NRP2: variants seen among roughly 807,000 people sequenced by gnomAD.
The protein encoded by NRP2 is neuropilin 2.
In NRP2, 52 loss-of-function variants were observed where a neutral mutation model predicts 110.4. That is an observed-to-expected ratio of 0.47 (90% CI 0.38 to 0.59). The LOEUF (loss-of-function observed/expected upper bound fraction) is 0.59. Among genes scored for constraint, NRP2 ranks in the 20% least tolerant of loss-of-function variants. The pLI is 0.00. For missense variants in NRP2, 1,049 were observed against 1,203.0 expected (o/e 0.87, Z 1.89); for synonymous variants, 508 against 468.9 (o/e 1.08, Z -1.08).
In NRP2 at chr2:205,726,023, C is replaced by A. The variant is rs2057121236; in HGVS notation, c.931C>A (p.Leu311Ile). 8 of 1,614,208 alleles carry A rather than the reference C, an allele frequency of 5.0e-6. No individual in the cohort carries two copies. The highest frequency in any genetic ancestry group is 3.3e-5 in the South Asian group (3 of 91,090). ...DGRWTPQQSR[L>I]HGDDNGWTPN... ...GAGGTGGACCCCTCAACAAAGCCGG[C>A]TCCATGGTGATGACAATGGCTGGAC... The change falls in exon 6 of 17, where the codon CTC becomes ATC. Residue 311 changes from leucine to isoleucine, a missense_variant. Coordinates refer to ENST00000357785, the MANE Select transcript of NRP2 (RefSeq NM_003872.3).
chr2:205,783,409 G>C (rs953051552), intron 15 of NRP2, among the ~76,000 whole-genome samples: 1 of 152,134 alleles, frequency 6.6e-6, no homozygotes, highest in African/African-American at 2.4e-5. Context: ...ATTTATTTAT[G>C]TTTTCTACTA....
intron 15 of NRP2, among the ~76,000 whole-genome samples, chr2:205,773,684 C>T (rs533291604): frequency 1.3e-5 from 2 of 152,344 alleles, no homozygotes; most frequent in East Asian, 3.9e-4. Flanking sequence ...AACATTGTCT[C>T]TTATCGTAAG....
intron 12 of NRP2, among the ~76,000 whole-genome samples, chr2:205,758,852 G>A (rs955823418): frequency 2.6e-5 from 4 of 152,158 alleles, no homozygotes; most frequent in Non-Finnish European, 5.9e-5. Context: ...CAGTTGTCAC[G>A]TTCAGGCGAC....
At chr2:205,788,919 G>A (rs898979285) in intron 15 of NRP2, among the ~76,000 whole-genome samples, 2 of 152,162 alleles carry the variant, frequency 1.3e-5, no homozygotes, top group Non-Finnish European at 2.9e-5. Context: ...CTGGTTAGTT[G>A]GTTAATGAAA....
chr2:205,781,403 G>C (rs2058172052), intron 15 of NRP2, among the ~76,000 whole-genome samples: 1 of 152,216 alleles, frequency 6.6e-6, no homozygotes, highest in Non-Finnish European at 1.5e-5. Flanking sequence ...GCTCCTACCT[G>C]GTTCTTTGTG....
chr2:205,776,616 C>G, intron 15 of NRP2: 1 of 1,596,200 alleles, frequency 6.3e-7, no homozygotes, highest in Non-Finnish European at 8.5e-7. Context: ...CGCCTAGTTT[C>G]TGTGTGAACT....
intron 3 of NRP2, among the ~76,000 whole-genome samples, 192 bp downstream of exon 3, chr2:205,716,566 C>T (rs1332479497): frequency 1.8e-3 from 2 of 1,134 alleles, no homozygotes; most frequent in African/African-American, 4.8e-3. Flanking sequence ...CTTAAGGGGG[C>T]GGGCTGTGGG....
At position 205,743,388 on chromosome 2, in the gene NRP2, G is replaced by A; in HGVS notation, c.1477G>A (p.Gly493Arg). ...TGAGGAGTGGCTTCAGGTAGATCTGGGAACACCCAAGACAGTGAAAGGTGT... is the reference window on the plus strand; with the variant it reads ...TGAGGAGTGGCTTCAGGTAGATCTGAGAACACCCAAGACAGTGAAAGGTGT... ...PGEEWLQVDL[G>R]TPKTVKGVII... Residue 493 changes from glycine (G) to arginine (R), a missense_variant, in exon 9 of 17, where the codon GGA becomes AGA. Transcript: ENST00000357785. 1 of 1,614,246 alleles carries A rather than the reference G, an allele frequency of 6.2e-7. No homozygotes were observed. Among genetic ancestry groups the A allele is most frequent in the African/African-American group, 1.3e-5 (1 of 75,066 alleles).
At chr2:205,749,643 A>C in intron 10 of NRP2, 82 bp from the exon 11 acceptor site, 113 of 1,067,296 alleles carry the variant, frequency 1.1e-4, no homozygotes, top group Middle Eastern at 2.0e-4. Context: ...TCCCTTCTCT[A>C]GAGATGTTTG....
chr2:205,776,141 T>C (rs1216216981), intron 15 of NRP2: 1 of 1,144,876 alleles, frequency 8.7e-7, no homozygotes, highest in Non-Finnish European at 1.3e-6. Flanking sequence ...GACCCTTCCC[T>C]GTATGTCCCA....
chr2:205,734,363 C>CA (rs1490327304), intron 7 of NRP2, among the ~76,000 whole-genome samples: 1 of 151,480 alleles, frequency 6.6e-6, no homozygotes, highest in African/African-American at 2.4e-5. Flanking sequence ...TCACAAACAA[C>CA]AAAAAAAGCC....
intron 16 of NRP2, among the ~76,000 whole-genome samples, chr2:205,793,659 G>A (rs139714183): frequency 2.6e-5 from 4 of 152,232 alleles, no homozygotes; most frequent in East Asian, 1.9e-4. Context: ...CTGTTCATAC[G>A]ATGTTCTCTC....
intron 4 of NRP2, among the ~76,000 whole-genome samples, chr2:205,723,068 C>G (rs188584277): frequency 6.6e-6 from 1 of 152,192 alleles, no homozygotes; most frequent in Non-Finnish European, 1.5e-5. Flanking sequence ...GCTTAACTCC[C>G]GGCTCTGCTA....
intron 15 of NRP2, among the ~76,000 whole-genome samples, chr2:205,775,796 C>T (rs2058087389): frequency 6.6e-6 from 1 of 152,104 alleles, no homozygotes; most frequent in Non-Finnish European, 1.5e-5. Flanking sequence ...ATGTCAGCAT[C>T]ATTTACTTGT....
chr2:205,754,314 C>T (rs1416328323), intron 12 of NRP2, among the ~76,000 whole-genome samples: 2 of 152,200 alleles, frequency 1.3e-5, no homozygotes, highest in Non-Finnish European at 2.9e-5. Flanking sequence ...TCCCTTCTTC[C>T]CGGTGGGGGC....
intron 2 of NRP2, 95 bp downstream of exon 2, chr2:205,697,816 C>G (rs2056467553): frequency 4.1e-6 from 5 of 1,227,040 alleles, no homozygotes; most frequent in Non-Finnish European, 6.0e-6. Context: ...CCCCTCACCC[C>G]AAGACCTGCT....
rs138033888 is a variant in NRP2, at chr2:205,723,845, C to T, written c.725C>T (p.Thr242Met). The T allele has an allele frequency of 1.1e-3, 1,806 of 1,614,172 alleles. 3 individuals are homozygous for T. Among genetic ancestry groups the T allele is most frequent in the Non-Finnish European group, 1.4e-3 (1,638 of 1,180,024 alleles). The change falls in exon 5 of 17, where the codon ACG (threonine) becomes ATG (methionine). Residue 242 changes from threonine to methionine, a missense_variant. Physicochemically the swap from Thr to Met is moderately conservative, Grantham distance 81. Coordinates refer to ENST00000357785, the MANE Select transcript of NRP2 (RefSeq NM_003872.3). The part of the protein sequence containing the change: ...TKTPSELRSS[T>M]GILSLTFHTD... Reference sequence around the variant, plus strand: ...ACACCCTCTGAACTTCGTTCATCGACGGGGATCCTCTCCCTGACCTTTCAC... The same window carrying T: ...ACACCCTCTGAACTTCGTTCATCGATGGGGATCCTCTCCCTGACCTTTCAC...
intron 15 of NRP2, among the ~76,000 whole-genome samples, chr2:205,790,060 C>T (rs953349600): frequency 1.3e-5 from 2 of 151,918 alleles, no homozygotes; most frequent in Non-Finnish European, 2.9e-5. Context: ...TTTTTGACCC[C>T]CTTCCCACTC....
intron 15 of NRP2, among the ~76,000 whole-genome samples, chr2:205,791,129 T>C (rs1194308179): frequency 6.6e-6 from 1 of 152,184 alleles, no homozygotes; most frequent in Non-Finnish European, 1.5e-5. Flanking sequence ...TTCCCCGAGA[T>C]GTAGTGCTGA....
Sources: gnomAD v4.1 joint callset for allele counts (sites outside exome capture counted in the v4.1 genomes callset) on GRCh38, gnomAD v4.1.1 for gene constraint, MANE v1.5 for transcripts, NCBI Gene and HGNC (gene_info 2026-07-23, HGNC 2026-07-21) for gene names.